Variants in CRMP1 observed in about 807,000 individuals in gnomAD.
CRMP1 encodes the protein collapsin response mediator protein 1.
Under a neutral mutation model 68.3 loss-of-function variants are expected in CRMP1, and 19 were observed. The ratio of observed to expected loss-of-function variants is 0.28; its 90% confidence interval spans 0.19 to 0.41. The LOEUF (loss-of-function observed/expected upper bound fraction) is 0.41. CRMP1 is among the 10% of genes least tolerant of loss of function. CRMP1 has a pLI of 1.00. For missense variants in CRMP1, 791 were observed against 967.4 expected (o/e 0.82, Z 2.42); for synonymous variants, 439 against 399.6 (o/e 1.10, Z -1.18).
At position 5,820,938 on chromosome 4, in the gene CRMP1, G is replaced by A. The variant is rs1718428848; in HGVS notation, c.*822C>T. 6.6e-6 allele frequency: 1 copy of A among 152,246 alleles called. No individual in the cohort carries two copies. The highest frequency in any genetic ancestry group is 1.5e-5 in the Non-Finnish European group (1 of 68,056). 9.4% of individuals were successfully genotyped at this position (152,246 alleles called of 1,614,324 possible). A position where few individuals can be genotyped will look rare whatever the true frequency, so the allele number is the denominator to read the frequency against. ...TGACTGCCCCGTCAACTGCCTCAGAGGGACCAGGACTCAGGCCACGCAGGG... is the reference window on the plus strand; with the variant it reads ...TGACTGCCCCGTCAACTGCCTCAGAAGGACCAGGACTCAGGCCACGCAGGG... On this transcript the variant is annotated 3_prime_UTR_variant, in exon 14 of 14. Transcript: ENST00000324989.
Position 5,890,013 on chromosome 4 carries a change from C to G in CRMP1, c.381+2576G>C, listed in dbSNP as rs766255992. The G allele has an allele frequency of 2.0e-5, 18 of 903,206 alleles. No homozygotes were observed. Among genetic ancestry groups the G allele is most frequent in the Non-Finnish European group, 2.3e-5 (16 of 694,598 alleles). 55.9% of individuals were successfully genotyped at this position (903,206 alleles called of 1,614,324 possible). On this transcript the variant is annotated intron_variant, in intron 1 of 13. Transcript: ENST00000324989. This position sits in a 1 kb window ranked among gnomAD's most constrained non-coding sequence, Gnocchi z 5.5. ...GCTGCAGCAAAGCAGCATGGAGATG[C>G]CAGGTTCCCCTACACTCTGTTTACA... is the stretch of plus-strand genomic sequence containing the variant.
chr4:5,885,694 C>T (rs1179591271), intron 1 of CRMP1, among the ~76,000 whole-genome samples: 1 of 152,132 alleles, frequency 6.6e-6, no homozygotes, highest in African/African-American at 2.4e-5. Flanking sequence ...TTTCTTCCGC[C>T]CCGCCGTATG....
intron 3 of CRMP1, among the ~76,000 whole-genome samples, chr4:5,857,286 A>ATC (rs941101526): frequency 6.6e-6 from 1 of 151,106 alleles, no homozygotes; most frequent in African/African-American, 2.4e-5. Flanking sequence ...CATCATCACC[A>ATC]TCTTCATCAC....
chr4:5,851,353 A>G (rs1170220939), intron 5 of CRMP1, 55 bp downstream of exon 5: 2 of 1,536,686 alleles, frequency 1.3e-6, no homozygotes, highest in Non-Finnish European at 1.8e-6. Context: ...GGACTGGCAA[A>G]GCTGGCCCAG....
At chr4:5,827,993 C>T (rs917529182) in intron 12 of CRMP1, 11 of 970,426 alleles carry the variant, frequency 1.1e-5, no homozygotes, top group African/African-American at 1.1e-4. Context: ...AGGGCAGAAA[C>T]GTCAAGGGAG....
chr4:5,860,106 G>C lies in CRMP1; in HGVS notation c.655+920C>G, dbSNP rs1366645813. The stretch of plus-strand genomic sequence containing the variant: ...CTGGGGAGTGGTCTCACTGCCCGCA[G>C]TGTTTCCTTCCCTCCCCAACCTCAC... On this transcript the variant is annotated intron_variant, in intron 3 of 13. Transcript: ENST00000324989. This position sits in a 1 kb window ranked among gnomAD's most constrained non-coding sequence, Gnocchi z 4.2. Among the ~76,000 whole-genome samples the C allele has an allele frequency of 6.6e-6, 1 of 152,136 alleles. No individual in the cohort carries two copies. The highest frequency in any genetic ancestry group is 1.5e-5 in the Non-Finnish European group (1 of 68,026).
rs1288166474 is a variant in CRMP1, at chr4:5,860,583, T to C, written c.655+443A>G. ...CTCCCATCTGTCACAATAATACCTA[T>C]GTCACTGGTTCTGAAACCATAGCCA... is the stretch of plus-strand genomic sequence containing the variant. On this transcript the variant is annotated intron_variant, in intron 3 of 13. Coordinates refer to ENST00000324989, the MANE Select transcript of CRMP1 (RefSeq NM_001014809.3). The surrounding 1 kb of genome is among the most constrained non-coding windows in gnomAD (Gnocchi z 4.2). Among the ~76,000 whole-genome samples, 4 of 152,220 alleles carry C rather than the reference T, an allele frequency of 2.6e-5. No homozygotes were observed. Among genetic ancestry groups the C allele is most frequent in the African/African-American group, 7.2e-5 (3 of 41,548 alleles).
At chr4:5,887,882 G>A in intron 1 of CRMP1, 1 of 870,404 alleles carries the variant, frequency 1.1e-6, no homozygotes, top group Non-Finnish European at 1.4e-6. Flanking sequence ...CGAGGCCTGC[G>A]GGGAGGGGGT....
chr4:5,847,494 T>C (rs939972756), intron 6 of CRMP1, among the ~76,000 whole-genome samples: 1 of 152,198 alleles, frequency 6.6e-6, no homozygotes, highest in Non-Finnish European at 1.5e-5. Context: ...TCCCTTCTTT[T>C]TGAGTGTGGG....
Position 5,890,700 on chromosome 4 carries a change from G to A in CRMP1, c.381+1889C>T, listed in dbSNP as rs946230557. 1.3e-5 allele frequency among the ~76,000 whole-genome samples: 2 copies of A among 152,208 alleles called. No homozygotes were observed. The highest frequency in any genetic ancestry group is 4.8e-5 in the African/African-American group (2 of 41,466). On this transcript the variant is annotated intron_variant, in intron 1 of 13. Transcript: ENST00000324989. This position sits in a 1 kb window ranked among gnomAD's most constrained non-coding sequence, Gnocchi z 5.5. ...ACAGGGAGAAGAGGAAGGAGTAGGGGAGAGGAACGGGAGAGGTGAAGCGAC... is the reference window on the plus strand; with the variant it reads ...ACAGGGAGAAGAGGAAGGAGTAGGGAAGAGGAACGGGAGAGGTGAAGCGAC...
At chr4:5,871,504 C>T (rs1714446125) in intron 1 of CRMP1, among the ~76,000 whole-genome samples, 1 of 151,906 alleles carries the variant, frequency 6.6e-6, no homozygotes, top group South Asian at 2.1e-4. Context: ...ACTAAAAATA[C>T]AAAAAATTAG....
Position 5,836,896 on chromosome 4 carries a change from G to C in CRMP1, c.1321C>G (p.Gln441Glu), listed in dbSNP as rs566109918. ...GGACAGTGGCCGCTGCCTGTGACCT[G>C]CAAGTCCCCACTGGCAAGGACAAAA... ...LTSLLACGDL[Q>E]VTGSGHCPYS... Residue 441 changes from glutamine to glutamate, a missense_variant, in exon 10 of 14, where the codon CAG becomes GAG. Physicochemically the swap from Gln to Glu is conservative, Grantham distance 29. Coordinates refer to ENST00000324989, the MANE Select transcript of CRMP1 (RefSeq NM_001014809.3). 1 of 1,611,076 alleles carries C rather than the reference G, an allele frequency of 6.2e-7. No individual in the cohort carries two copies. Among genetic ancestry groups the C allele is most frequent in the Admixed American group, 1.7e-5 (1 of 59,752 alleles).
chr4:5,836,604 A>G (rs895521190), intron 10 of CRMP1, among the ~76,000 whole-genome samples, 161 bp downstream of exon 10: 4 of 152,210 alleles, frequency 2.6e-5, no homozygotes, highest in African/African-American at 9.6e-5. Flanking sequence ...TTGAGCTACT[A>G]TCTCTCAAGT....
chr4:5,878,713 C>T (rs927710698), intron 1 of CRMP1, among the ~76,000 whole-genome samples: 1 of 152,178 alleles, frequency 6.6e-6, no homozygotes, highest in Non-Finnish European at 1.5e-5. Context: ...GTGAGTTCAC[C>T]TCTCTGTGCT....
In CRMP1 at chr4:5,821,519, A is replaced by C. The variant is rs1718553529; in HGVS notation, c.*241T>G. 7.5e-6 allele frequency: 4 copies of C among 535,232 alleles called. No individual in the cohort carries two copies. In the Admixed American group the frequency reaches 1.2e-4, roughly 16 times the overall value. The allele number at this position is 535,232 out of a possible 1,614,324, so 33.2% of individuals were successfully genotyped here. A position where few individuals can be genotyped will look rare whatever the true frequency, so the allele number is the denominator to read the frequency against. Reference sequence around the variant, plus strand: ...ACCTGTGGTTCACTAGGAAGGGGGAATGAAAACACCATGCTCCGAGGTGGA... The same window carrying C: ...ACCTGTGGTTCACTAGGAAGGGGGACTGAAAACACCATGCTCCGAGGTGGA... On this transcript the variant is annotated 3_prime_UTR_variant, in exon 14 of 14. Transcript: ENST00000324989. The surrounding 1 kb of genome is among the most constrained non-coding windows in gnomAD (Gnocchi z 4.4).
chr4:5,841,827 ACCAGGC>A lies in CRMP1; in HGVS notation c.1033-405_1033-400del, dbSNP rs1711749303. Among the ~76,000 whole-genome samples the A allele has an allele frequency of 6.6e-6, 1 of 152,190 alleles. No individual in the cohort carries two copies. The highest frequency in any genetic ancestry group is 2.1e-4 in the South Asian group (1 of 4,830). On this transcript the variant is annotated intron_variant, in intron 7 of 13. Coordinates refer to ENST00000324989, the MANE Select transcript of CRMP1 (RefSeq NM_001014809.3). The surrounding 1 kb of genome is among the most constrained non-coding windows in gnomAD (Gnocchi z 6.9). Reference sequence around the variant, plus strand: ...TCTGTGTCCCCTGTGTCCAGCAGACACCAGGCCCAGGGCATGGGCCCAGAAGACTCG... The same window carrying A: ...TCTGTGTCCCCTGTGTCCAGCAGACACCAGGGCATGGGCCCAGAAGACTCG...
At chr4:5,839,811 C>T in intron 8 of CRMP1, 133 bp from the exon 9 acceptor site, 5 of 1,069,744 alleles carry the variant, frequency 4.7e-6, no homozygotes, top group Non-Finnish European at 6.5e-6. Flanking sequence ...ACCGTTCTTG[C>T]AGGCATCACC....
chr4:5,828,769 C>G lies in CRMP1; in HGVS notation c.1624-101G>C, dbSNP rs118018517. The G allele has an allele frequency of 6.6e-3, 8,995 of 1,362,482 alleles. 384 individuals carry two copies. The Admixed American group carries it at 0.092, about 14-fold the overall frequency. The allele number at this position is 1,362,482 out of a possible 1,614,324, so 84.4% of individuals were successfully genotyped here. ...CTAACATTATATCATAAGCGTGTTC[C>G]AATGTTTTTTTTTCTCTCTAAAAAT... On this transcript the variant is annotated intron_variant, in intron 11 of 13. Coordinates refer to ENST00000324989, the MANE Select transcript of CRMP1 (RefSeq NM_001014809.3).
chr4:5,837,632 AAATAAAATAAAATAAAAT>A (rs1402250326), intron 9 of CRMP1, among the ~76,000 whole-genome samples: 1 of 117,842 alleles, frequency 8.5e-6, no homozygotes, highest in Admixed American at 8.3e-5. Flanking sequence ...CAGTCTCAAA[AAATAAAATAAAATAAAAT>A]AATAAAATAA....
Sources: gnomAD v4.1 joint callset for allele counts (sites outside exome capture counted in the v4.1 genomes callset) on GRCh38, gnomAD v4.1.1 for gene constraint, Gnocchi (gnomAD v3.1) non-coding constraint, MANE v1.5 for transcripts, NCBI Gene and HGNC (gene_info 2026-07-23, HGNC 2026-07-21) for gene names.